SCD5: variants seen among roughly 807,000 people sequenced by gnomAD.
The protein encoded by SCD5 is stearoyl-CoA desaturase 5.
In SCD5, 20 loss-of-function variants were observed where a neutral mutation model predicts 30.4. The ratio of observed to expected loss-of-function variants is 0.66; its 90% CI spans 0.46 to 0.96. The LOEUF (loss-of-function observed/expected upper bound fraction) is 0.96. Ranked by LOEUF, SCD5 falls within the 40% of genes least tolerant of loss-of-function variation. The pLI is 0.00. For missense variants in SCD5, 381 were observed against 443.3 expected (o/e 0.86, Z 1.26); for synonymous variants, 173 against 176.4 (o/e 0.98, Z 0.16).
At chr4:82,791,056 G>A (rs954637430) in intron 1 of SCD5, among the ~76,000 whole-genome samples, 1 of 152,058 alleles carries the variant, frequency 6.6e-6, no homozygotes, top group Non-Finnish European at 1.5e-5. Flanking sequence ...TGGCCAACAC[G>A]GTGAAACCCC....
intron 1 of SCD5, among the ~76,000 whole-genome samples, chr4:82,725,322 GC>G (rs1450779427): frequency 6.6e-6 from 1 of 152,142 alleles, no homozygotes; most frequent in East Asian, 1.9e-4. Context: ...TTCAGTTCAA[GC>G]CCAAAGAAAG....
intron 3 of SCD5, among the ~76,000 whole-genome samples, chr4:82,667,082 C>G (rs564821978): frequency 4.6e-5 from 7 of 152,126 alleles, no homozygotes; most frequent in African/African-American, 7.2e-5. Flanking sequence ...TATTTACAAA[C>G]AGCAGTCCCA....
chr4:82,794,776 A>T (rs1560565743), intron 1 of SCD5, among the ~76,000 whole-genome samples: 1 of 151,588 alleles, frequency 6.6e-6, no homozygotes, highest in African/African-American at 2.4e-5. Context: ...CAGCCTCCCG[A>T]GTAGCTGGGA....
At chr4:82,768,978 C>G (rs1324456134) in intron 1 of SCD5, among the ~76,000 whole-genome samples, 2 of 150,724 alleles carry the variant, frequency 1.3e-5, no homozygotes, top group Non-Finnish European at 2.9e-5. Context: ...GCCCCCTTTT[C>G]ACAGAAAACC....
At chr4:82,635,347 C>T (rs926737348) in intron 4 of SCD5, among the ~76,000 whole-genome samples, 14 of 152,096 alleles carry the variant, frequency 9.2e-5, no homozygotes, top group African/African-American at 2.9e-4. Flanking sequence ...GGGCCGGGCA[C>T]GGTGGCTCAC....
At chr4:82,780,111 A>C (rs1390543676) in intron 1 of SCD5, among the ~76,000 whole-genome samples, 1 of 152,226 alleles carries the variant, frequency 6.6e-6, no homozygotes, top group Non-Finnish European at 1.5e-5. Context: ...GAAAGCACAT[A>C]AATGTTTAGG....
At chr4:82,652,067 A>G (rs4693477) in intron 3 of SCD5, among the ~76,000 whole-genome samples, 114,898 of 152,122 alleles carry the variant, frequency 0.76, 44,361 homozygotes, top group East Asian at 0.99. Flanking sequence ...CCTGGGTAAC[A>G]CTGATGCTGC....
At chr4:82,768,072 T>C (rs1309538872) in intron 1 of SCD5, among the ~76,000 whole-genome samples, 2 of 152,222 alleles carry the variant, frequency 1.3e-5, no homozygotes, top group South Asian at 2.1e-4. Flanking sequence ...TAGCCAAAAA[T>C]TTCTCCTATA....
intron 3 of SCD5, among the ~76,000 whole-genome samples, chr4:82,669,299 A>G (rs939517582): frequency 6.2e-5 from 4 of 64,306 alleles, no homozygotes; most frequent in Non-Finnish European, 8.9e-5. Context: ...GCATGGCTAC[A>G]TAACGTTAAA....
chr4:82,786,681 A>C (rs1721994391), intron 1 of SCD5, among the ~76,000 whole-genome samples: 1 of 151,672 alleles, frequency 6.6e-6, no homozygotes, highest in Non-Finnish European at 1.5e-5. Flanking sequence ...AGTCCCAGTT[A>C]CTGGGGAGGC....
chr4:82,724,885 G>A (rs1322418918), intron 1 of SCD5, among the ~76,000 whole-genome samples: 2 of 152,196 alleles, frequency 1.3e-5, no homozygotes, highest in Admixed American at 1.3e-4. Context: ...GCCTCTGAGA[G>A]CAAATGGAAC....
At position 82,730,775 on chromosome 4, in the gene SCD5, G is replaced by A. The variant is rs1312212560; in HGVS notation, c.233-25362C>T. On this transcript the variant is annotated intron_variant, in intron 1 of 4. Coordinates refer to ENST00000319540, the MANE Select transcript of SCD5 (RefSeq NM_001037582.3). Reference sequence around the variant, plus strand: ...TAATTTTTTGTATTTTAGTAGAGACGGGGTTTCACCATGTTAGCCAAGATG... The same window carrying A: ...TAATTTTTTGTATTTTAGTAGAGACAGGGTTTCACCATGTTAGCCAAGATG... 2.0e-5 allele frequency among the ~76,000 whole-genome samples: 3 copies of A among 151,986 alleles called. No homozygotes were observed. The East Asian group carries it at 5.8e-4, about 29-fold the overall frequency.
At chr4:82,794,650 AT>A (rs200270294) in intron 1 of SCD5, among the ~76,000 whole-genome samples, 10,162 of 136,602 alleles carry the variant, frequency 0.074, 295 homozygotes, top group African/African-American at 0.1. Context: ...CATTCTGTCC[AT>A]TTTTTTTTTT....
At chr4:82,725,495 CTTT>C (rs1208220744) in intron 1 of SCD5, among the ~76,000 whole-genome samples, 2 of 152,162 alleles carry the variant, frequency 1.3e-5, no homozygotes, top group Non-Finnish European at 2.9e-5. Flanking sequence ...CATGAGTGTA[CTTT>C]TTCTTCCATA....
intron 2 of SCD5, among the ~76,000 whole-genome samples, chr4:82,702,311 A>C (rs1448841860): frequency 6.6e-6 from 1 of 151,004 alleles, no homozygotes; most frequent in African/African-American, 2.4e-5. Flanking sequence ...TGCCCAGCTA[A>C]TTTTCGTATT....
intron 1 of SCD5, among the ~76,000 whole-genome samples, chr4:82,727,246 C>A (rs1177449388): frequency 6.6e-6 from 1 of 152,194 alleles, no homozygotes; most frequent in African/African-American, 2.4e-5. Flanking sequence ...TGGTCCTGTA[C>A]AACTGCACCA....
chr4:82,767,659 A>T (rs780906327), intron 1 of SCD5, among the ~76,000 whole-genome samples: 13 of 152,144 alleles, frequency 8.5e-5, no homozygotes, highest in Non-Finnish European at 1.6e-4. Context: ...TTTTGCTAGA[A>T]AGTGTTTCTA....
rs538412601 is a variant in SCD5 at position 82,630,058 on chromosome 4, T to G, written c.*1269A>C. ...TCAATTAGAATATAAATTAGGTGCTTAAACATTTAAACGAGAGCTTAATTT... is the reference window on the plus strand; with the variant it reads ...TCAATTAGAATATAAATTAGGTGCTGAAACATTTAAACGAGAGCTTAATTT... On this transcript the variant is annotated 3_prime_UTR_variant, in exon 5 of 5. Transcript: ENST00000319540. 3.8e-4 allele frequency: 58 copies of G among 152,346 alleles called. No individual in the cohort carries two copies. The highest frequency in any genetic ancestry group is 1.4e-3 in the African/African-American group (57 of 41,572). The allele number at this position is 152,346 out of a possible 1,614,324, so 9.4% of individuals were successfully genotyped here.
At chr4:82,636,546 C>G in intron 4 of SCD5, 45 bp downstream of exon 4, 1 of 1,490,444 alleles carries the variant, frequency 6.7e-7, no homozygotes, top group Non-Finnish European at 9.2e-7. Context: ...GCCAAGAAAA[C>G]CTGGGCCACC....
Sources: allele counts gnomAD v4.1 joint callset (sites outside exome capture counted in the v4.1 genomes callset), GRCh38; gene constraint gnomAD v4.1.1; transcripts MANE v1.5; gene names NCBI Gene and HGNC (gene_info 2026-07-23, HGNC 2026-07-21).